SLC39A11: variants seen among roughly 807,000 people sequenced by gnomAD.
SLC39A11 encodes solute carrier family 39 member 11.
Under a neutral mutation model 36.1 loss-of-function variants are expected in SLC39A11, and 33 were observed. That is an observed-to-expected ratio of 0.91 (90% CI 0.69 to 1.22). SLC39A11 has a LOEUF of 1.22. Ranked by LOEUF, SLC39A11 falls within the 50% of genes most tolerant of loss-of-function variation. The pLI, the probability that SLC39A11 is intolerant of heterozygous loss-of-function variation, is 0.00. For missense variants in SLC39A11, 432 were observed against 430.3 expected, an observed-to-expected ratio of 1.00 and a Z score of -0.03; for synonymous variants, 166 against 170.3, an observed-to-expected ratio of 0.97 and a Z score of 0.20.
At chr17:73,056,436 T>C (rs1315872027) in intron 3 of SLC39A11, among the ~76,000 whole-genome samples, 1 of 152,156 alleles carries the variant, frequency 6.6e-6, no homozygotes, top group Non-Finnish European at 1.5e-5. Context: ...CCCAAAATGC[T>C]GAGTTTACAG....
intron 3 of SLC39A11, among the ~76,000 whole-genome samples, chr17:73,035,931 G>T (rs958023026): frequency 8.6e-5 from 13 of 151,246 alleles, no homozygotes; most frequent in Non-Finnish European, 1.8e-4. Context: ...AAAAGCAGAG[G>T]CTATAGTCAG....
chr17:72,885,118 C>T (rs187976613), intron 5 of SLC39A11, among the ~76,000 whole-genome samples: 32 of 152,256 alleles, frequency 2.1e-4, no homozygotes, highest in Non-Finnish European at 3.4e-4. Flanking sequence ...TGTAGGTTAT[C>T]GAAATGGAAG....
chr17:72,815,837 C>T (rs563766325), intron 6 of SLC39A11, among the ~76,000 whole-genome samples: 2 of 152,110 alleles, frequency 1.3e-5, no homozygotes, highest in East Asian at 1.9e-4. Context: ...AGGAGAATCG[C>T]TTGAACCTGG....
At chr17:73,049,247 G>A (rs1381480436) in intron 3 of SLC39A11, among the ~76,000 whole-genome samples, 1 of 152,204 alleles carries the variant, frequency 6.6e-6, no homozygotes, top group African/African-American at 2.4e-5. Context: ...GGTCCAGAGA[G>A]GGACTGGGGG....
chr17:72,772,543 G>A (rs755675), intron 6 of SLC39A11, among the ~76,000 whole-genome samples: 34,135 of 151,986 alleles, frequency 0.22, 4,724 homozygotes, highest in African/African-American at 0.4. Flanking sequence ...AGAAAATGCT[G>A]TCTGTCTCCC....
intron 7 of SLC39A11, among the ~76,000 whole-genome samples, chr17:72,679,551 G>A (rs11077625): frequency 0.03 from 4,533 of 152,252 alleles, 96 homozygotes; most frequent in Middle Eastern, 0.078. Flanking sequence ...AGAGACAGCC[G>A]CGCCCACCTC....
At chr17:72,822,344 A>G (rs1022150176) in intron 6 of SLC39A11, among the ~76,000 whole-genome samples, 2 of 148,302 alleles carry the variant, frequency 1.3e-5, no homozygotes, top group South Asian at 2.1e-4. Flanking sequence ...AGAGAGAAAG[A>G]ATATATATAT....
At chr17:72,948,009 A>G in intron 4 of SLC39A11, 134 bp from the exon 5 acceptor site, 1 of 1,128,862 alleles carries the variant, frequency 8.9e-7, no homozygotes, top group Non-Finnish European at 1.3e-6. Flanking sequence ...CCTCCGGCCA[A>G]CCCAGTTGCC....
intron 3 of SLC39A11, among the ~76,000 whole-genome samples, chr17:73,078,200 T>A (rs2060388911): frequency 6.7e-6 from 1 of 149,066 alleles, no homozygotes; most frequent in Non-Finnish European, 1.5e-5. Flanking sequence ...ACCACACCTT[T>A]GCAGTCCAGC....
rs373501173 is a variant in SLC39A11, at chr17:72,988,960, G to A, written c.307-41085C>T. On this transcript the variant is annotated intron_variant, in intron 4 of 9. Coordinates refer to ENST00000255559, the MANE Select transcript of SLC39A11 (RefSeq NM_139177.4). Reference sequence around the variant, plus strand: ...GCATGGTGGCTCACGCCTGTCATCCGAGCACTTTGGGAAGCCGAGGAGGGC... The same window carrying A: ...GCATGGTGGCTCACGCCTGTCATCCAAGCACTTTGGGAAGCCGAGGAGGGC... Among the ~76,000 whole-genome samples the A allele has an allele frequency of 4.5e-4, 68 of 152,194 alleles. 2 individuals carry two copies. In the South Asian group the frequency reaches 0.012, roughly 27 times the overall value.
intron 4 of SLC39A11, among the ~76,000 whole-genome samples, chr17:73,004,425 C>G (rs958020460): frequency 6.6e-6 from 1 of 152,158 alleles, no homozygotes; most frequent in Admixed American, 6.5e-5. Context: ...AGAAAGACAG[C>G]GAGCTCTCTG....
At chr17:73,058,076 T>TC (rs1448808242) in intron 3 of SLC39A11, among the ~76,000 whole-genome samples, 2 of 151,028 alleles carry the variant, frequency 1.3e-5, no homozygotes, top group African/African-American at 4.9e-5. Flanking sequence ...GTGGGGTGTG[T>TC]CCCTCTTTGC....
intron 4 of SLC39A11, among the ~76,000 whole-genome samples, chr17:73,026,359 T>A (rs1347967504): frequency 6.7e-6 from 1 of 149,004 alleles, no homozygotes; most frequent in African/African-American, 2.5e-5. Context: ...CTACTAAAAG[T>A]ACAAAATTAG....
chr17:73,022,837 C>T (rs2058398282), intron 4 of SLC39A11, among the ~76,000 whole-genome samples: 1 of 152,052 alleles, frequency 6.6e-6, no homozygotes, highest in African/African-American at 2.4e-5. Context: ...CAGCTCTCTC[C>T]AAACTTCACA....
chr17:72,948,300 A>G (rs2085579560), intron 4 of SLC39A11, among the ~76,000 whole-genome samples: 1 of 150,216 alleles, frequency 6.7e-6, no homozygotes, highest in East Asian at 2.0e-4. Context: ...TGCAAGCGTC[A>G]TCGCCGCACG....
At chr17:73,085,512 A>T (rs1160707033) in intron 2 of SLC39A11, among the ~76,000 whole-genome samples, 1 of 151,928 alleles carries the variant, frequency 6.6e-6, no homozygotes, top group Non-Finnish European at 1.5e-5. Context: ...CAAGCACGGT[A>T]ATGCATGCCT....
intron 7 of SLC39A11, among the ~76,000 whole-genome samples, chr17:72,692,935 T>C (rs2072102374): frequency 6.6e-6 from 1 of 152,162 alleles, no homozygotes; most frequent in Non-Finnish European, 1.5e-5. Context: ...TCTGCTTTCT[T>C]AGACAAGACC....
chr17:72,914,081 G>A (rs551836630), intron 5 of SLC39A11, among the ~76,000 whole-genome samples: 54 of 151,410 alleles, frequency 3.6e-4, no homozygotes, highest in African/African-American at 1.1e-3. Flanking sequence ...TTGGGAGGCC[G>A]AGGTGGGTGG....
intron 6 of SLC39A11, chr17:72,823,530 G>C (rs147770841): frequency 6.6e-5 from 10 of 151,402 alleles, no homozygotes; most frequent in African/African-American, 2.4e-4. Flanking sequence ...CCCCGTCCAA[G>C]CCATCCATCC....
Sources: gnomAD v4.1 joint callset for allele counts (sites outside exome capture counted in the v4.1 genomes callset) on GRCh38, gnomAD v4.1.1 for gene constraint, MANE v1.5 for transcripts, NCBI Gene and HGNC (gene_info 2026-07-23, HGNC 2026-07-21) for gene names.